The following YTHDF3 variants were observed in gnomAD, a reference collection of about 807,000 sequenced individuals.
YTHDF3 encodes the protein YTH domain-containing family protein 3.
A neutral mutation model predicts 52.5 loss-of-function variants in YTHDF3; 9 were observed. That is an observed-to-expected ratio of 0.17 (90% CI 0.10 to 0.30). The LOEUF (loss-of-function observed/expected upper bound fraction) is 0.30. Ranked by LOEUF, YTHDF3 falls within the 10% of genes least tolerant of loss-of-function variation. The pLI, the probability that YTHDF3 is intolerant of heterozygous loss-of-function variation, is 1.00. For missense variants in YTHDF3, 534 were observed against 715.0 expected (o/e 0.75, Z 2.89); for synonymous variants, 274 against 243.3 (o/e 1.13, Z -1.18).
At chr8:63,191,020 A>G (rs1808877225) in intron 4 of YTHDF3, among the ~76,000 whole-genome samples, 1 of 152,212 alleles carries the variant, frequency 6.6e-6, no homozygotes, top group Non-Finnish European at 1.5e-5. Flanking sequence ...AGCTGGGTAT[A>G]GAATTCTTTC....
At chr8:63,171,188 T>A (rs1807299222) in intron 2 of YTHDF3, among the ~76,000 whole-genome samples, 1 of 152,114 alleles carries the variant, frequency 6.6e-6, no homozygotes, top group African/African-American at 2.4e-5. Flanking sequence ...TTCCTTGGAG[T>A]CCTGAGTTCT....
At chr8:63,200,266 A>T (rs1809518946) in intron 4 of YTHDF3, among the ~76,000 whole-genome samples, 1 of 152,166 alleles carries the variant, frequency 6.6e-6, no homozygotes, top group Non-Finnish European at 1.5e-5. Flanking sequence ...GGCTTGCTTC[A>T]TCAAAGTGAG....
At chr8:63,174,108 A>G (rs1807528429) in intron 2 of YTHDF3, among the ~76,000 whole-genome samples, 1 of 152,240 alleles carries the variant, frequency 6.6e-6, no homozygotes, top group South Asian at 2.1e-4. Flanking sequence ...TAAAAATGTT[A>G]TATTACAGAG....
chr8:63,207,985 G>C (rs974673795), intron 4 of YTHDF3, among the ~76,000 whole-genome samples: 6 of 152,098 alleles, frequency 3.9e-5, no homozygotes, highest in African/African-American at 1.4e-4. Context: ...CAGGACCTTT[G>C]TAAAATTAAA....
At chr8:63,188,476 AC>A (rs1031449945) in intron 4 of YTHDF3, among the ~76,000 whole-genome samples, 1 of 148,402 alleles carries the variant, frequency 6.7e-6, no homozygotes, top group African/African-American at 2.5e-5. Context: ...ACGGTCACAC[AC>A]CACCACGCCT....
Position 63,186,860 on chromosome 8 carries a change from G to A in YTHDF3, c.849G>A (p.Gly283=). 1 of 1,613,910 alleles carries A rather than the reference G, an allele frequency of 6.2e-7. No homozygotes were observed. Among genetic ancestry groups the A allele is most frequent in the Non-Finnish European group, 8.5e-7 (1 of 1,179,886 alleles). The change falls in exon 4 of 5, where the codon GGG becomes GGA. Residue 283 remains glycine, a synonymous_variant. Transcript: ENST00000539294. ...ATATTGGAACTTGGGATGAAAAAGGGTCAGTGGTAAAGGCTCCACCAACCC... is the reference window on the plus strand; with the variant it reads ...ATATTGGAACTTGGGATGAAAAAGGATCAGTGGTAAAGGCTCCACCAACCC... ...NMNIGTWDEK[G]SVVKAPPTQP... is the part of the protein sequence containing the mutation.
intron 4 of YTHDF3, among the ~76,000 whole-genome samples, chr8:63,191,615 A>C (rs576580755): frequency 7.2e-4 from 110 of 152,296 alleles, no homozygotes; most frequent in African/African-American, 2.3e-3. Flanking sequence ...AAAAAAAATT[A>C]AATATAATAA....
chr8:63,184,639 A>G (rs1031794095), intron 3 of YTHDF3, among the ~76,000 whole-genome samples: 1 of 152,240 alleles, frequency 6.6e-6, no homozygotes, highest in Middle Eastern at 3.2e-3. Flanking sequence ...TCACACATTC[A>G]TGAGTGGAAA....
chr8:63,183,516 TC>T (rs1361625057), intron 3 of YTHDF3, among the ~76,000 whole-genome samples: 7 of 152,200 alleles, frequency 4.6e-5, no homozygotes, highest in Admixed American at 4.6e-4. Context: ...TATTTGAACT[TC>T]CCTCAGTCTT....
At chr8:63,203,857 G>T (rs1351687808) in intron 4 of YTHDF3, among the ~76,000 whole-genome samples, 2 of 152,176 alleles carry the variant, frequency 1.3e-5, no homozygotes, top group Non-Finnish European at 2.9e-5. Flanking sequence ...TAGACTGGGG[G>T]TTATGGATTT....
intron 2 of YTHDF3, among the ~76,000 whole-genome samples, chr8:63,172,108 A>G (rs533281090): frequency 6.6e-6 from 1 of 152,266 alleles, no homozygotes; most frequent in South Asian, 2.1e-4. Context: ...AAATATCAGA[A>G]CTCTTTATTA....
At position 63,211,558 on chromosome 8, in the gene YTHDF3, G is replaced by C. The variant is rs547346997; in HGVS notation, c.*1852G>C. On this transcript the variant is annotated 3_prime_UTR_variant, in exon 5 of 5. Transcript: ENST00000539294. ...GGTCCTATTAGAGAATATTATAAAAGGGTGACCTTGTAGGAAGGATCTGAG... is the reference window on the plus strand; with the variant it reads ...GGTCCTATTAGAGAATATTATAAAACGGTGACCTTGTAGGAAGGATCTGAG... 2 of 152,534 alleles carry C rather than the reference G, an allele frequency of 1.3e-5. No individual in the cohort carries two copies. Among genetic ancestry groups the C allele is most frequent in the South Asian group, 4.1e-4 (2 of 4,826 alleles). The allele number at this position is 152,534 out of a possible 1,614,324, so 9.4% of individuals were successfully genotyped here.
rs1810398816 is a variant in YTHDF3, at chr8:63,212,092, TTGAA to T, written c.*2390_*2393del. On this transcript the variant is annotated 3_prime_UTR_variant, in exon 5 of 5. Coordinates refer to ENST00000539294, the MANE Select transcript of YTHDF3 (RefSeq NM_152758.6). ...CAAGAGGAGACACATCATCAAATGT[TTGAA>T]TGATCACAAATTAAGACATTATCAG... 1 of 152,624 alleles carries T rather than the reference TTGAA, an allele frequency of 6.6e-6. No homozygotes were observed. Among genetic ancestry groups the T allele is most frequent in the South Asian group, 2.1e-4 (1 of 4,838 alleles). 9.5% of individuals were successfully genotyped at this position (152,624 alleles called of 1,614,324 possible). A position where few individuals can be genotyped will look rare whatever the true frequency, so the allele number is the denominator to read the frequency against.
intron 4 of YTHDF3, among the ~76,000 whole-genome samples, chr8:63,202,140 T>A (rs901926498): frequency 6.6e-6 from 1 of 152,254 alleles, no homozygotes; most frequent in African/African-American, 2.4e-5. Flanking sequence ...TTTGCAATGC[T>A]AGAGCCTCAT....
intron 4 of YTHDF3, among the ~76,000 whole-genome samples, chr8:63,206,634 A>G (rs976512654): frequency 1.3e-5 from 2 of 152,134 alleles, no homozygotes; most frequent in Non-Finnish European, 2.9e-5. Flanking sequence ...TAACATTCAG[A>G]TTTATTGGCA....
Position 63,187,577 on chromosome 8 carries a change from A to G in YTHDF3, c.1566A>G (p.Glu522=), listed in dbSNP as rs1316341912. ...PNNQLRHIRL[E]NNDNKPVTNS... ...ACCAATTACGGCATATTCGCTTAGAAAATAATGACAACAAACCGGTTACCA... is the reference window on the plus strand; with the variant it reads ...ACCAATTACGGCATATTCGCTTAGAGAATAATGACAACAAACCGGTTACCA... Residue 522 remains glutamate (E), a synonymous_variant, in exon 4 of 5, where the codon GAA becomes GAG. Transcript: ENST00000539294. The G allele has an allele frequency of 1.9e-6, 3 of 1,613,660 alleles. No individual in the cohort carries two copies. Among genetic ancestry groups the G allele is most frequent in the Admixed American group, 1.7e-5 (1 of 59,948 alleles).
Position 63,210,084 on chromosome 8 carries a change from C to T in YTHDF3, c.*378C>T, listed in dbSNP as rs1225607809. On this transcript the variant is annotated 3_prime_UTR_variant, in exon 5 of 5. Coordinates refer to ENST00000539294, the MANE Select transcript of YTHDF3 (RefSeq NM_152758.6). ...AAGTGGTTCAATGATGTAAGAGTCA[C>T]ACTGCTTCAACTTTTTCTTTGTTGT... 1 of 169,632 alleles carries T rather than the reference C, an allele frequency of 5.9e-6. No homozygotes were observed. The highest frequency in any genetic ancestry group is 1.3e-5 in the Non-Finnish European group (1 of 79,812). 10.5% of individuals were successfully genotyped at this position (169,632 alleles called of 1,614,324 possible).
intron 3 of YTHDF3, among the ~76,000 whole-genome samples, chr8:63,182,906 GA>G (rs11317639): frequency 0.099 from 14,927 of 151,176 alleles, 839 homozygotes; most frequent in East Asian, 0.23. Context: ...ATAAATAAAG[GA>G]TATGTTTAAC....
At chr8:63,172,886 C>T in intron 2 of YTHDF3, 1 of 1,038,272 alleles carries the variant, frequency 9.6e-7, no homozygotes, top group African/African-American at 1.6e-5. Context: ...GGTTTTCAGA[C>T]TCCAAGACAT....
Sources: gnomAD v4.1 joint callset for allele counts (sites outside exome capture counted in the v4.1 genomes callset) on GRCh38, gnomAD v4.1.1 for gene constraint, MANE v1.5 for transcripts, NCBI Gene and HGNC (gene_info 2026-07-23, HGNC 2026-07-21) for gene names.